Variants in TENM3 observed in about 807,000 individuals in gnomAD.
TENM3 encodes the protein teneurin transmembrane protein 3, also known as teneurin-3.
In TENM3, 63 loss-of-function variants were observed where a neutral mutation model predicts 255.1. That is an observed-to-expected ratio of 0.25 (90% CI 0.20 to 0.30). The LOEUF (loss-of-function observed/expected upper bound fraction) is 0.30. TENM3 is among the 10% of genes least tolerant of loss of function. TENM3 has a pLI of 1.00. For missense variants in TENM3, 2,929 were observed against 3,461.1 expected (o/e 0.85, Z 3.86); for synonymous variants, 1,306 against 1,322.3 (o/e 0.99, Z 0.27).
chr4:181,703,064 G>A, the TENM3 span, among the ~76,000 whole-genome samples: 1 of 152,180 alleles, frequency 6.6e-6, no homozygotes, highest in East Asian at 1.9e-4. Flanking sequence ...CAGGGGCAGA[G>A]GGCTTCAGTA....
chr4:182,246,203 C>G (rs1312186663), intron 1 of TENM3, among the ~76,000 whole-genome samples: 8 of 152,174 alleles, frequency 5.3e-5, no homozygotes, highest in Non-Finnish European at 1.2e-4. Flanking sequence ...CACTAATTAT[C>G]TAACCCCGGG....
At chr4:182,738,291 A>G (rs1761326725) in intron 17 of TENM3, 110 bp from the exon 18 acceptor site, 2 of 884,852 alleles carry the variant, frequency 2.3e-6, no homozygotes, top group African/African-American at 1.7e-5. Flanking sequence ...ATAAGTGGAA[A>G]TACAGTCTCA....
At chr4:181,572,637 G>T in the TENM3 span, among the ~76,000 whole-genome samples, 1 of 151,818 alleles carries the variant, frequency 6.6e-6, no homozygotes, top group Admixed American at 6.6e-5. Context: ...ATATTTATGG[G>T]GTACATGAAA....
chr4:181,913,211 G>A, the TENM3 span, among the ~76,000 whole-genome samples: 5 of 152,288 alleles, frequency 3.3e-5, no homozygotes, highest in East Asian at 1.9e-4. Context: ...CGCAGAAGCC[G>A]AGACAGGAAG....
chr4:182,560,932 C>T (rs1743099691), intron 3 of TENM3, among the ~76,000 whole-genome samples: 2 of 152,076 alleles, frequency 1.3e-5, no homozygotes, highest in African/African-American at 2.4e-5. Context: ...GACATATGTA[C>T]GTATTTTAGA....
chr4:182,617,079 A>G (rs1022554734), intron 4 of TENM3, among the ~76,000 whole-genome samples: 1 of 152,226 alleles, frequency 6.6e-6, no homozygotes, highest in African/African-American at 2.4e-5. Context: ...AAAATCCTAA[A>G]GATTATGATA....
Position 182,680,366 on chromosome 4 carries a change from C to G in TENM3, c.1639+17C>G. ...GTTCAAGAGGTATGCAAGTTAGATT[C>G]TTCTCTTAAGCCGATATAAATAAGC... On this transcript the variant is annotated intron_variant, in intron 9 of 27. Coordinates refer to ENST00000511685, the MANE Select transcript of TENM3 (RefSeq NM_001080477.4). 1 of 1,576,258 alleles carries G rather than the reference C, an allele frequency of 6.3e-7. No homozygotes were observed. Among genetic ancestry groups the G allele is most frequent in the Non-Finnish European group, 8.7e-7 (1 of 1,150,594 alleles).
the TENM3 span, among the ~76,000 whole-genome samples, chr4:181,633,725 AAAAGATTCC>A: frequency 6.6e-6 from 1 of 152,198 alleles, no homozygotes; most frequent in Non-Finnish European, 1.5e-5. Context: ...CCTTTTTCTC[AAAAGATTCC>A]AAAGATGCTC....
the TENM3 span, among the ~76,000 whole-genome samples, chr4:182,039,505 A>T: frequency 6.6e-6 from 1 of 152,312 alleles, no homozygotes; most frequent in East Asian, 1.9e-4. Flanking sequence ...AAATAAAAAC[A>T]CCAAGGACAT....
intron 13 of TENM3, among the ~76,000 whole-genome samples, chr4:182,726,376 A>ATGGCAAAAACCTTAAAGGTTTTTC (rs11271130): frequency 6.6e-6 from 1 of 151,988 alleles, no homozygotes; most frequent in Admixed American, 6.6e-5. Flanking sequence ...AGCGCAGCTT[A>ATGGCAAAAACCTTAAAGGTTTTTC]TGTCTGTGTC....
chr4:181,741,128 T>C, the TENM3 span, among the ~76,000 whole-genome samples: 1 of 152,218 alleles, frequency 6.6e-6, no homozygotes, highest in Non-Finnish European at 1.5e-5. Context: ...CTTTTTGTAA[T>C]TTGGTGAAGC....
intron 1 of TENM3, among the ~76,000 whole-genome samples, chr4:182,266,097 C>T (rs1024780256): frequency 2.0e-5 from 3 of 152,222 alleles, no homozygotes; most frequent in Non-Finnish European, 4.4e-5. Flanking sequence ...AGAGTCAGCT[C>T]TTATCTGCAC....
the TENM3 span, among the ~76,000 whole-genome samples, chr4:181,762,796 G>A: frequency 1.3e-5 from 2 of 152,052 alleles, no homozygotes; most frequent in East Asian, 3.9e-4. Flanking sequence ...AGAATGATAT[G>A]GCTAGACATG....
the TENM3 span, among the ~76,000 whole-genome samples, chr4:181,744,212 T>C: frequency 2.0e-5 from 3 of 152,228 alleles, no homozygotes; most frequent in Non-Finnish European, 1.5e-5. Flanking sequence ...ATTGTCTTTA[T>C]GCAGTCCATT....
chr4:182,679,758 A>T lies in TENM3; in HGVS notation c.1419A>T (p.Arg473Ser). Residue 473 changes from arginine to serine, a missense_variant, in exon 8 of 28, where the codon AGA (arginine) becomes AGT (serine). Around this residue, in one of 6 missense-constraint regions of TENM3, gnomAD observed 1,608 missense variants for 1,884.4 expected, o/e 0.85. Coordinates refer to ENST00000511685, the MANE Select transcript of TENM3 (RefSeq NM_001080477.4). ...CGGAGAGAGCCGGGCGGCAGGCGAG[A>T]TCCGTCAGCCTTCATGAGGCCGGCT... ...LETERAGRQA[R>S]SVSLHEAGFI... 1 of 1,613,926 alleles carries T rather than the reference A, an allele frequency of 6.2e-7. No homozygotes were observed. The highest frequency in any genetic ancestry group is 8.5e-7 in the Non-Finnish European group (1 of 1,179,890).
chr4:181,944,710 C>T, the TENM3 span, among the ~76,000 whole-genome samples: 1 of 152,062 alleles, frequency 6.6e-6, no homozygotes, highest in Non-Finnish European at 1.5e-5. Context: ...CCACACCGTG[C>T]CTCTCTGTAA....
the TENM3 span, among the ~76,000 whole-genome samples, chr4:181,652,612 T>C: frequency 6.6e-6 from 1 of 152,218 alleles, no homozygotes; most frequent in African/African-American, 2.4e-5. Context: ...TTCCTCCTCT[T>C]TCTCATGCAT....
chr4:181,755,844 G>A, the TENM3 span, among the ~76,000 whole-genome samples: 1 of 152,078 alleles, frequency 6.6e-6, no homozygotes, highest in Admixed American at 6.6e-5. Flanking sequence ...TACTAGTAGT[G>A]TTTACAAGAC....
the TENM3 span, among the ~76,000 whole-genome samples, chr4:181,652,825 T>C: frequency 6.6e-6 from 1 of 152,178 alleles, no homozygotes; most frequent in African/African-American, 2.4e-5. Context: ...TAATGACTAA[T>C]TGCTCAGTTT....
Sources: allele counts gnomAD v4.1 joint callset (sites outside exome capture counted in the v4.1 genomes callset), GRCh38; gene constraint gnomAD v4.1.1; regional missense constraint gnomAD v4.1.1; transcripts MANE v1.5; gene names NCBI Gene and HGNC (gene_info 2026-07-23, HGNC 2026-07-21).